Variants in CAPS2 observed in about 807,000 individuals in gnomAD.
The protein encoded by CAPS2 is calcyphosine 2, also known as calcyphosin-2.
CAPS2 carries 98 observed loss-of-function variants against 86.5 expected under a neutral mutation model. The ratio of observed to expected loss-of-function variants is 1.13; its 90% CI spans 0.96 to 1.34. CAPS2 has a LOEUF of 1.34. Ranked by LOEUF, CAPS2 falls within the 40% of genes most tolerant of loss-of-function variation. The pLI is 0.00. For synonymous variants in CAPS2, 210 were observed against 225.1 expected, an observed-to-expected ratio of 0.93 and a Z score of 0.60; for missense variants, 729 against 686.8, an observed-to-expected ratio of 1.06 and a Z score of -0.69.
intron 1 of CAPS2, among the ~76,000 whole-genome samples, chr12:75,357,129 G>A (rs1353348711): frequency 6.6e-6 from 1 of 152,266 alleles, no homozygotes; most frequent in Non-Finnish European, 1.5e-5. Flanking sequence ...TTTTGCAGCT[G>A]CAGTGAACTA....
At chr12:75,363,342 A>T (rs2043745372) in intron 1 of CAPS2, 1 of 394,110 alleles carries the variant, frequency 2.5e-6, no homozygotes, top group Admixed American at 4.5e-5. Flanking sequence ...AAATTGTAAT[A>T]CTTAAACTCA....
At chr12:75,316,607 C>T (rs553513457) in intron 5 of CAPS2, among the ~76,000 whole-genome samples, 173 bp from the exon 6 acceptor site, 20 of 152,172 alleles carry the variant, frequency 1.3e-4, no homozygotes, top group African/African-American at 3.4e-4. Context: ...TTCCACTTGC[C>T]CGCTAGGTGA....
intron 9 of CAPS2, among the ~76,000 whole-genome samples, 154 bp from the exon 10 acceptor site, chr12:75,299,120 CAT>C (rs2037390311): frequency 6.6e-6 from 1 of 152,158 alleles, no homozygotes; most frequent in East Asian, 1.9e-4. Context: ...AACACAAAAA[CAT>C]AGCTTGCTGA....
In CAPS2 at chr12:75,316,222, T is replaced by C. The variant is rs541888387; in HGVS notation, c.591+90A>G. 7.5e-6 allele frequency: 11 copies of C among 1,457,802 alleles called. No individual in the cohort carries two copies. The African/African-American group carries it at 1.6e-4, about 21-fold the overall frequency. 90.3% of individuals were successfully genotyped at this position (1,457,802 alleles called of 1,614,324 possible). ...TTCACCCGAGTTCAAATTCAACTGT[T>C]GCAATTATTTATTCCATTCAGTCTT... On this transcript the variant is annotated intron_variant, in intron 6 of 16. Transcript: ENST00000393284.
chr12:75,383,092 T>G (rs181440508), intron 1 of CAPS2, among the ~76,000 whole-genome samples: 1 of 152,336 alleles, frequency 6.6e-6, no homozygotes, highest in Admixed American at 6.5e-5. Context: ...TAATACGTAT[T>G]TCATGAAACT....
At chr12:75,357,809 A>G (rs2043250884) in intron 1 of CAPS2, among the ~76,000 whole-genome samples, 1 of 152,004 alleles carries the variant, frequency 6.6e-6, no homozygotes, top group Admixed American at 6.6e-5. Context: ...GCTGAACTGA[A>G]TGAAATTAAA....
chr12:75,330,578 T>C (rs1182072134), upstream of CAPS2, among the ~76,000 whole-genome samples: 1 of 152,234 alleles, frequency 6.6e-6, no homozygotes, highest in Non-Finnish European at 1.5e-5. Context: ...CTTATTTTTT[T>C]TAAAGACTGT....
chr12:75,330,210 C>G (rs1387405922), upstream of CAPS2, among the ~76,000 whole-genome samples: 2 of 152,206 alleles, frequency 1.3e-5, no homozygotes, highest in Non-Finnish European at 2.9e-5. Context: ...CCTGGCTGAC[C>G]GGAACTGAGC....
intron 2 of CAPS2, among the ~76,000 whole-genome samples, chr12:75,324,345 A>T (rs2040574648): frequency 2.0e-5 from 3 of 152,218 alleles, no homozygotes; most frequent in African/African-American, 7.2e-5. Flanking sequence ...GTATTTGATT[A>T]ATATTTGTAA....
At chr12:75,334,743 T>C (rs747433956), upstream of CAPS2, 8 of 1,613,886 alleles carry the variant, frequency 5.0e-6, no homozygotes, top group East Asian at 6.7e-5. Flanking sequence ...CTCTGAAGAA[T>C]AAATTCAGTT....
At chr12:75,283,481 G>A (rs1458590683) in intron 15 of CAPS2, among the ~76,000 whole-genome samples, 2 of 152,028 alleles carry the variant, frequency 1.3e-5, no homozygotes, top group African/African-American at 4.8e-5. Context: ...AATCATTAGG[G>A]TGGCCCCTTA....
At chr12:75,292,711 A>G (rs1357594492) in intron 12 of CAPS2, among the ~76,000 whole-genome samples, 1 of 147,326 alleles carries the variant, frequency 6.8e-6, no homozygotes, top group Non-Finnish European at 1.5e-5. Flanking sequence ...TATATTATAT[A>G]TTATATATAA....
intron 6 of CAPS2, 101 bp from the exon 7 acceptor site, chr12:75,313,016 C>A (rs538125489): frequency 1.6e-6 from 1 of 623,080 alleles, no homozygotes; most frequent in East Asian, 2.8e-5. Flanking sequence ...CTCTGATTTC[C>A]GTCTTAGATA....
At chr12:75,293,415 AAATAT>A in intron 11 of CAPS2, 48 bp from the exon 12 acceptor site, 1 of 1,087,002 alleles carries the variant, frequency 9.2e-7, no homozygotes, top group Non-Finnish European at 1.4e-6. Context: ...GTAAGAAATA[AAATAT>A]AACTAACATC....
rs1289600512 is a variant in CAPS2 at position 75,306,005 on chromosome 12, A to G, written c.660-1129T>C. 3 of 1,462,246 alleles carry G rather than the reference A, an allele frequency of 2.1e-6. No homozygotes were observed. The African/African-American group carries it at 4.2e-5, about 21-fold the overall frequency. 90.6% of individuals were successfully genotyped at this position (1,462,246 alleles called of 1,614,324 possible). ...CAGGGTCCTGACAGGCCTCCTGCTCATGATCCTGAGCCTCATTCTACTTGA... is the reference window on the plus strand; with the variant it reads ...CAGGGTCCTGACAGGCCTCCTGCTCGTGATCCTGAGCCTCATTCTACTTGA... On this transcript the variant is annotated intron_variant, in intron 7 of 16. Transcript: ENST00000393284.
At chr12:75,376,326 T>C (rs957708476) in intron 1 of CAPS2, among the ~76,000 whole-genome samples, 16 of 152,156 alleles carry the variant, frequency 1.1e-4, no homozygotes, top group African/African-American at 3.9e-4. Context: ...TAATATCCAT[T>C]CCCATACCTG....
intron 1 of CAPS2, among the ~76,000 whole-genome samples, chr12:75,385,894 A>C (rs1475822065): frequency 1.3e-5 from 2 of 152,198 alleles, no homozygotes; most frequent in Non-Finnish European, 2.9e-5. Context: ...CTAACAAAAT[A>C]TTTACAAGAT....
chr12:75,278,788 G>A (rs2033341920), exon 17 of CAPS2: 1 of 1,343,440 alleles, frequency 7.4e-7, no homozygotes, highest in South Asian at 2.2e-5. Flanking sequence ...CCAGAATAAA[G>A]GAAGTCCTAG....
downstream of CAPS2, chr12:75,276,406 T>C: frequency 1.0e-6 from 1 of 980,924 alleles, no homozygotes; most frequent in Non-Finnish European, 1.2e-6. Context: ...AAACTGGAAG[T>C]CAAAAGTAAT....
Sources: gnomAD v4.1 joint callset for allele counts (sites outside exome capture counted in the v4.1 genomes callset) on GRCh38, gnomAD v4.1.1 for gene constraint, MANE v1.5 for transcripts, NCBI Gene and HGNC (gene_info 2026-07-23, HGNC 2026-07-21) for gene names.